Variants in SGCZ observed in about 807,000 individuals in gnomAD.
The protein encoded by SGCZ is sarcoglycan zeta, also known as zeta-sarcoglycan.
Under a neutral mutation model 41.3 loss-of-function variants are expected in SGCZ, and 40 were observed. The ratio of observed to expected loss-of-function variants is 0.97; its 90% CI spans 0.75 to 1.26. The LOEUF is 1.26. SGCZ is among the 50% of genes most tolerant of loss of function. The pLI, the probability that SGCZ is intolerant of heterozygous loss-of-function variation, is 0.00. For synonymous variants in SGCZ, 206 were observed against 137.5 expected (o/e 1.50, Z -3.49); for missense variants, 552 against 369.8 (o/e 1.49, Z -4.04).
At chr8:14,532,354 T>A (rs1228539203) in intron 2 of SGCZ, among the ~76,000 whole-genome samples, 1 of 152,086 alleles carries the variant, frequency 6.6e-6, no homozygotes, top group Non-Finnish European at 1.5e-5. Context: ...TAACTAGTGG[T>A]CTTTAGCAGG....
At chr8:14,724,434 C>A (rs556799098) in intron 1 of SGCZ, among the ~76,000 whole-genome samples, 16 of 151,750 alleles carry the variant, frequency 1.1e-4, no homozygotes, top group Non-Finnish European at 1.8e-4. Context: ...ACTGCAAAAT[C>A]TTAATTAAAC....
chr8:14,248,696 T>C (rs1044978367), intron 3 of SGCZ, among the ~76,000 whole-genome samples: 2 of 152,128 alleles, frequency 1.3e-5, no homozygotes, highest in Non-Finnish European at 2.9e-5. Flanking sequence ...TTTGAGATTA[T>C]TTTCCACAGA....
At chr8:14,312,291 AT>A (rs1236077625) in intron 3 of SGCZ, among the ~76,000 whole-genome samples, 1 of 152,136 alleles carries the variant, frequency 6.6e-6, no homozygotes, top group South Asian at 2.1e-4. Context: ...CTGCTAATAT[AT>A]TTTTTGTGGT....
Position 14,889,823 on chromosome 8 carries a change from G to A in SGCZ, c.40-334897C>T, listed in dbSNP as rs371363637. 1.1e-4 allele frequency among the ~76,000 whole-genome samples: 17 copies of A among 151,886 alleles called. No homozygotes were observed. The South Asian group carries it at 3.1e-3, about 28-fold the overall frequency. ...TGCATATTTTAAATATGCAAGTCAC[G>A]ATATTGAAATTTGGTCAATTCATAA... On this transcript the variant is annotated intron_variant, in intron 1 of 7. Transcript: ENST00000382080.
chr8:14,487,246 C>T (rs150194546), intron 2 of SGCZ, among the ~76,000 whole-genome samples: 149 of 152,164 alleles, frequency 9.8e-4, no homozygotes, highest in East Asian at 1.4e-3. Context: ...TAATTGTAAA[C>T]GCTTTATTTT....
intron 1 of SGCZ, among the ~76,000 whole-genome samples, chr8:14,639,038 C>CTTTTTTTTT (rs148778266): frequency 1.5e-5 from 2 of 137,614 alleles, no homozygotes; most frequent in Non-Finnish European, 3.1e-5. Context: ...AAACTGGAAT[C>CTTTTTTTTT]TTTTTTTTTT....
At chr8:14,378,746 T>G (rs1247577776) in intron 2 of SGCZ, among the ~76,000 whole-genome samples, 4 of 152,150 alleles carry the variant, frequency 2.6e-5, no homozygotes, top group Admixed American at 2.0e-4. Context: ...GATCTGACAC[T>G]AACTCCAGGT....
chr8:14,832,025 C>G (rs1488531200), intron 1 of SGCZ, among the ~76,000 whole-genome samples: 3 of 152,034 alleles, frequency 2.0e-5, no homozygotes, highest in Non-Finnish European at 4.4e-5. Flanking sequence ...TAGTTATAAT[C>G]TAGCAACAGA....
At chr8:14,214,498 A>G (rs1057145077) in intron 4 of SGCZ, among the ~76,000 whole-genome samples, 1 of 152,182 alleles carries the variant, frequency 6.6e-6, no homozygotes, top group Non-Finnish European at 1.5e-5. Context: ...TAATCATAGG[A>G]AAAACTGGAA....
intron 1 of SGCZ, among the ~76,000 whole-genome samples, chr8:15,098,733 A>C (rs1236220147): frequency 6.6e-6 from 1 of 152,202 alleles, no homozygotes; most frequent in Non-Finnish European, 1.5e-5. Context: ...GTACTCAATA[A>C]ATACTTGATC....
At chr8:14,711,258 C>T (rs6984334) in intron 1 of SGCZ, among the ~76,000 whole-genome samples, 150,386 of 152,126 alleles carry the variant, frequency 0.99, 74,352 homozygotes, top group East Asian at 1. Flanking sequence ...TTCTCCATCT[C>T]AACTAATTTC....
chr8:14,288,764 G>T (rs1370076540), intron 3 of SGCZ, among the ~76,000 whole-genome samples: 4 of 151,992 alleles, frequency 2.6e-5, no homozygotes, highest in African/African-American at 9.7e-5. Context: ...GTTTTTGTTT[G>T]ACCACTTGTT....
chr8:14,448,142 G>C (rs1385009278), intron 2 of SGCZ, among the ~76,000 whole-genome samples: 2 of 152,262 alleles, frequency 1.3e-5, no homozygotes, highest in African/African-American at 2.4e-5. Flanking sequence ...ATGCTAAGAA[G>C]ATATCCACAA....
chr8:14,963,319 A>C (rs1281879795), intron 1 of SGCZ, among the ~76,000 whole-genome samples: 1 of 148,954 alleles, frequency 6.7e-6, no homozygotes, highest in South Asian at 2.1e-4. Flanking sequence ...GTGAGGTATA[A>C]ATTCATTTTC....
intron 1 of SGCZ, among the ~76,000 whole-genome samples, chr8:15,138,168 C>T (rs1006561037): frequency 6.6e-6 from 1 of 152,174 alleles, no homozygotes; most frequent in African/African-American, 2.4e-5. Flanking sequence ...TTGCACGCAG[C>T]CTGTAGCCCC....
intron 1 of SGCZ, among the ~76,000 whole-genome samples, chr8:14,955,956 T>C (rs1800777809): frequency 6.6e-6 from 1 of 152,110 alleles, no homozygotes; most frequent in African/African-American, 2.4e-5. Context: ...TCTAAAACTT[T>C]ATAATTTTAC....
At chr8:14,217,088 C>T (rs923068901) in intron 4 of SGCZ, among the ~76,000 whole-genome samples, 2 of 152,010 alleles carry the variant, frequency 1.3e-5, no homozygotes, top group Non-Finnish European at 2.9e-5. Context: ...GGGATAGAGA[C>T]CATCCTGCCT....
intron 1 of SGCZ, among the ~76,000 whole-genome samples, chr8:14,783,239 G>A (rs1027059524): frequency 6.6e-6 from 1 of 152,160 alleles, no homozygotes; most frequent in African/African-American, 2.4e-5. Flanking sequence ...TTCAAGACAA[G>A]CCTGGTCAAC....
At chr8:14,479,731 CTTTTTTTTTTTTT>C (rs529812029) in intron 2 of SGCZ, among the ~76,000 whole-genome samples, 26 of 52,978 alleles carry the variant, frequency 4.9e-4, no homozygotes, top group Admixed American at 1.2e-3. Flanking sequence ...AATTCTACTT[CTTTTTTTTTTTTT>C]TTTTTTTTTT....
Sources: gnomAD v4.1 joint callset for allele counts (sites outside exome capture counted in the v4.1 genomes callset) on GRCh38, gnomAD v4.1.1 for gene constraint, MANE v1.5 for transcripts, NCBI Gene and HGNC (gene_info 2026-07-23, HGNC 2026-07-21) for gene names.